Variants in IPO4 observed in about 807,000 individuals in gnomAD.
The protein encoded by IPO4 is importin 4.
A neutral mutation model predicts 133.5 loss-of-function variants in IPO4; 91 were observed. The observed-to-expected ratio is 0.68, with a 90% confidence interval of 0.58 to 0.81. IPO4 has a LOEUF of 0.81. Among genes scored for constraint, IPO4 ranks in the 30% least tolerant of loss-of-function variants. IPO4 has a pLI of 0.00. For missense variants in IPO4, 1,279 were observed against 1,386.2 expected (o/e 0.92, Z 1.23); for synonymous variants, 607 against 581.6 (o/e 1.04, Z -0.63).
At position 24,185,235 on chromosome 14, in the gene IPO4, T is replaced by A; in HGVS notation, c.1356A>T (p.Thr452=). ...AYLKSVPLGH[T]HHLAKACYAL... ...CATAGCAGGCCTTGGCTAGGTGGTG[T>A]GTGTGTCCAAGAGGCACCGACTTCA... is the stretch of plus-strand genomic sequence containing the variant. Residue 452 remains threonine (T), a synonymous_variant, in exon 14 of 30, where the codon ACA becomes ACT. Coordinates refer to ENST00000354464, the MANE Select transcript of IPO4 (RefSeq NM_024658.4). The A allele has an allele frequency of 6.2e-7, 1 of 1,614,104 alleles. No homozygotes were observed. The highest frequency in any genetic ancestry group is 8.5e-7 in the Non-Finnish European group (1 of 1,179,994).
At chr14:24,182,518 G>A in intron 24 of IPO4, 115 bp from the exon 25 acceptor site, 1 of 1,424,110 alleles carries the variant, frequency 7.0e-7, no homozygotes, top group Middle Eastern at 2.4e-4. Context: ...GGTTGATAGG[G>A]CTGGCCCCTC....
chr14:24,188,640 T>G lies in IPO4; in HGVS notation c.70-2A>C, dbSNP rs1272891955. ...AACGATCTGGAGCTGTTCCGTGGCC[T>G]GGGGGGAAGCTAGGGGTGAGAGTTG... On this transcript the variant is annotated splice_acceptor_variant, in intron 1 of 29. Transcript: ENST00000354464. LOFTEE classifies it high-confidence loss of function. The G allele has an allele frequency of 1.2e-6, 2 of 1,610,194 alleles. No individual in the cohort carries two copies. Among genetic ancestry groups the G allele is most frequent in the Non-Finnish European group, 1.7e-6 (2 of 1,178,330 alleles).
At chr14:24,187,255 C>T (rs541734965) in intron 6 of IPO4, 105 bp from the exon 7 acceptor site, 10 of 1,466,904 alleles carry the variant, frequency 6.8e-6, no homozygotes, top group South Asian at 5.8e-5. Context: ...GGCATAACAG[C>T]CAGGCCCACC....
In IPO4 at chr14:24,184,971, A is replaced by G. The variant is rs2039198321; in HGVS notation, c.1418T>C (p.Val473Ala). The G allele has an allele frequency of 1.2e-6, 2 of 1,613,558 alleles. No individual in the cohort carries two copies. Among genetic ancestry groups the G allele is most frequent in the Non-Finnish European group, 1.7e-6 (2 of 1,179,824 alleles). ...CATAAGCTCCGGAAGGTAGGGCTGC[A>G]CCTTGGGCCCTGTGGGAAAGGATGC... ...ENFVENLGPK[V>A]QPYLPELMEC... Residue 473 changes from valine to alanine, a missense_variant, in exon 15 of 30, where the codon GTG (valine) becomes GCG (alanine). This residue lies in a region of IPO4 where 695 missense variants were observed against 704.1 expected (regional missense o/e 0.99). Coordinates refer to ENST00000354464, the MANE Select transcript of IPO4 (RefSeq NM_024658.4).
Position 24,183,323 on chromosome 14 carries a change from A to G in IPO4, c.2154T>C (p.His718=), listed in dbSNP as rs1244411523. 6 of 1,612,736 alleles carry G rather than the reference A, an allele frequency of 3.7e-6. No homozygotes were observed. In the East Asian group the frequency reaches 1.1e-4, roughly 30 times the overall value. ...CPHLNVRKAA[H]EALGQFCCAL... is the part of the protein sequence containing the mutation. ...CACAGCAAAACTGACCCAGAGCCTC[A>G]TGGGCTGCCTTCCGCACATTCAGGT... The change falls in exon 22 of 30, where the codon CAT becomes CAC. Residue 718 remains histidine (H), a synonymous_variant. Coordinates refer to ENST00000354464, the MANE Select transcript of IPO4 (RefSeq NM_024658.4).
intron 20 of IPO4, 31 bp from the exon 21 acceptor site, chr14:24,183,544 G>A (rs369788350): frequency 1.9e-6 from 3 of 1,613,984 alleles, no homozygotes; most frequent in African/African-American, 2.7e-5. Context: ...GTGGGTAAGG[G>A]GCCCCCAGGC....
At position 24,188,621 on chromosome 14, in the gene IPO4, C is replaced by T; in HGVS notation, c.87G>A (p.Gln29=). The change falls in exon 2 of 30, where the codon CAG becomes CAA. Residue 29 remains glutamine, a synonymous_variant. Coordinates refer to ENST00000354464, the MANE Select transcript of IPO4 (RefSeq NM_024658.4). The stretch of plus-strand genomic sequence containing the variant: ...AAGCGGCGGGGGCCCGAAGAACGAT[C>T]TGGAGCTGTTCCGTGGCCTGGGGGG... ...ERIRRATEQL[Q]IVLRAPAALP... The T allele has an allele frequency of 6.2e-7, 1 of 1,611,528 alleles. No homozygotes were observed. Among genetic ancestry groups the T allele is most frequent in the Admixed American group, 1.7e-5 (1 of 59,778 alleles).
chr14:24,183,199 C>G, intron 22 of IPO4, 30 bp from the exon 23 acceptor site: 1 of 1,610,934 alleles, frequency 6.2e-7, no homozygotes, highest in South Asian at 1.1e-5. Context: ...AAGCACCAGT[C>G]AGGCCCTGCC....
At position 24,183,310 on chromosome 14, in the gene IPO4, G is replaced by C. The variant is rs1210887056; in HGVS notation, c.2167C>G (p.Gln723Glu). 1.2e-6 allele frequency: 2 copies of C among 1,613,200 alleles called. No homozygotes were observed. Among genetic ancestry groups the C allele is most frequent in the African/African-American group, 2.7e-5 (2 of 74,928 alleles). Residue 723 changes from glutamine (Q) to glutamate (E), a missense_variant, in exon 22 of 30, where the codon CAG (glutamine) becomes GAG (glutamate). Physicochemically the swap from Gln to Glu is conservative, Grantham distance 29. Transcript: ENST00000354464. ...GCCTTGTGCAGTGCACAGCAAAACT[G>C]ACCCAGAGCCTCATGGGCTGCCTTC... is the stretch of plus-strand genomic sequence containing the variant. ...VRKAAHEALGQFCCALHKACQ... is the reference protein window; with the variant it reads ...VRKAAHEALGEFCCALHKACQ...
intron 4 of IPO4, 133 bp from the exon 5 acceptor site, chr14:24,187,929 CAT>C (rs2039249266): frequency 1.8e-6 from 2 of 1,101,962 alleles, no homozygotes; most frequent in African/African-American, 3.1e-5. Flanking sequence ...AGTTGGGACA[CAT>C]GAGACAGCAG....
At position 24,182,373 on chromosome 14, in the gene IPO4, C is replaced by T. The variant is rs759282776; in HGVS notation, c.2503G>A (p.Ala835Thr). 7 of 1,613,064 alleles carry T rather than the reference C, an allele frequency of 4.3e-6. No homozygotes were observed. Among genetic ancestry groups the T allele is most frequent in the African/African-American group, 1.3e-5 (1 of 74,886 alleles). ...AEYDAMLLEHAGEAIPALAAA... is the reference protein window; with the variant it reads ...AEYDAMLLEHTGEAIPALAAA... The stretch of plus-strand genomic sequence containing the variant: ...GCCAGGGCAGGGATGGCCTCTCCAG[C>T]GTGCTCCAGCAACATGGCGTCGTAT... The change falls in exon 25 of 30, where the codon GCT (alanine) becomes ACT (threonine). Residue 835 changes from alanine to threonine, a missense_variant. This residue lies in a region of IPO4 where 575 missense variants were observed against 653.4 expected (regional missense o/e 0.88). Coordinates refer to ENST00000354464, the MANE Select transcript of IPO4 (RefSeq NM_024658.4).
Position 24,180,497 on chromosome 14 carries a change from C to T in IPO4, c.3191G>A (p.Gly1064Asp). 1 of 1,613,936 alleles carries T rather than the reference C, an allele frequency of 6.2e-7. No homozygotes were observed. Among genetic ancestry groups the T allele is most frequent in the Non-Finnish European group, 8.5e-7 (1 of 1,179,934 alleles). ...QHTDSFQAAL[G>D]SLPVDKAQEL... ...CTGAGCCTTGTCAACAGGCAGTGAG[C>T]CCAGAGCTGCTTGAAAGCTGTCGGT... The change falls in exon 30 of 30, where the codon GGC (glycine) becomes GAC (aspartate). Residue 1064 changes from glycine to aspartate, a missense_variant. Physicochemically the swap from Gly to Asp is moderately conservative, Grantham distance 94 (BLOSUM62 -1). Coordinates refer to ENST00000354464, the MANE Select transcript of IPO4 (RefSeq NM_024658.4).
At chr14:24,180,796 C>T (rs1566640400) in intron 28 of IPO4, 38 bp from the exon 29 acceptor site, 3 of 1,594,906 alleles carry the variant, frequency 1.9e-6, no homozygotes, top group Admixed American at 1.7e-5. Context: ...GCAGCAGCCC[C>T]AGACCCCAGG....
Position 24,185,228 on chromosome 14 carries a change from G to A in IPO4, c.1363C>T (p.Leu455=), listed in dbSNP as rs770281164. 8.7e-6 allele frequency: 14 copies of A among 1,614,168 alleles called. No individual in the cohort carries two copies. The highest frequency in any genetic ancestry group is 1.2e-5 in the Non-Finnish European group (14 of 1,180,030). ...TCCAGGGCATAGCAGGCCTTGGCTA[G>A]GTGGTGTGTGTGTCCAAGAGGCACC... ...KSVPLGHTHH[L]AKACYALENF... Residue 455 remains leucine, a synonymous_variant, in exon 14 of 30, where the codon CTA becomes TTA. Transcript: ENST00000354464.
At position 24,182,557 on chromosome 14, in the gene IPO4, T is replaced by C. The variant is rs1392121234; in HGVS notation, c.2473-154A>G. On this transcript the variant is annotated intron_variant, in intron 24 of 29. Coordinates refer to ENST00000354464, the MANE Select transcript of IPO4 (RefSeq NM_024658.4). ...AGCTGGGTGTTTCCATGACCCAGCT[T>C]CTTCCCCTGGCTCTTCTGCTCCTAC... 4 of 1,137,114 alleles carry C rather than the reference T, an allele frequency of 3.5e-6. No individual in the cohort carries two copies. The African/African-American group carries it at 6.2e-5, about 18-fold the overall frequency. 70.4% of individuals were successfully genotyped at this position (1,137,114 alleles called of 1,614,324 possible).
chr14:24,187,170 G>A lies in IPO4; in HGVS notation c.589-20C>T, dbSNP rs778885486. The A allele has an allele frequency of 3.8e-5, 61 of 1,611,332 alleles. No homozygotes were observed. Among genetic ancestry groups the A allele is most frequent in the Admixed American group, 5.0e-5 (3 of 59,960 alleles). On this transcript the variant is annotated intron_variant, in intron 6 of 29. Coordinates refer to ENST00000354464, the MANE Select transcript of IPO4 (RefSeq NM_024658.4). Reference sequence around the variant, plus strand: ...GAGAGGCTGAGGGACACATCACAGAGAGCATGATGCAGCCCAATCTCACAC... The same window carrying A: ...GAGAGGCTGAGGGACACATCACAGAAAGCATGATGCAGCCCAATCTCACAC...
At position 24,184,431 on chromosome 14, in the gene IPO4, G is replaced by A; in HGVS notation, c.1637-13C>T. The A allele has an allele frequency of 6.2e-7, 1 of 1,604,856 alleles. No individual in the cohort carries two copies. Among genetic ancestry groups the A allele is most frequent in the South Asian group, 1.1e-5 (1 of 89,930 alleles). On this transcript the variant is annotated splice_polypyrimidine_tract_variant and intron_variant, in intron 16 of 29. Transcript: ENST00000354464. ...ACCCCCAGTGTCTCTGTGGGGGCAA[G>A]GGCTCCATTAGCACCAGGAGGTGGA...
At chr14:24,180,598 T>C (rs1391687535) in intron 29 of IPO4, 26 bp from the exon 30 acceptor site, 1 of 1,612,166 alleles carries the variant, frequency 6.2e-7, no homozygotes. Flanking sequence ...GGGAGAAAGG[T>C]CGGGGCTCCT....
Position 24,184,076 on chromosome 14 carries a change from C to T in IPO4, c.1791G>A (p.Met597Ile), listed in dbSNP as rs1336905329. ...YSLFAALSGL[M>I]GEGLAPHLEQ... ...CCAAGTGGGGCGCCAGGCCCTCACC[C>T]ATCAGACCCGATAAGGCTGCAAATA... The change falls in exon 18 of 30, where the codon ATG becomes ATA. Residue 597 changes from methionine (M) to isoleucine (I), a missense_variant. Met to Ile is a conservative substitution (Grantham distance 10, BLOSUM62 1). This residue lies in a region of IPO4 where 575 missense variants were observed against 653.4 expected (regional missense o/e 0.88). Coordinates refer to ENST00000354464, the MANE Select transcript of IPO4 (RefSeq NM_024658.4). 5 of 1,612,804 alleles carry T rather than the reference C, an allele frequency of 3.1e-6. No homozygotes were observed. Among genetic ancestry groups the T allele is most frequent in the South Asian group, 1.1e-5 (1 of 91,026 alleles).
Sources: allele counts gnomAD v4.1 joint callset, GRCh38; gene constraint gnomAD v4.1.1; regional missense constraint gnomAD v4.1.1; transcripts MANE v1.5; gene names NCBI Gene and HGNC (gene_info 2026-07-23, HGNC 2026-07-21).